The following NUP62CL variants were observed in gnomAD, a reference collection of about 807,000 sequenced individuals.
NUP62CL encodes nucleoporin 62 C-terminal like, also known as nucleoporin-62 C-terminal-like protein.
In NUP62CL, 13 loss-of-function variants were observed where a neutral mutation model predicts 15.3. That is an observed-to-expected ratio of 0.85 (90% CI 0.55 to 1.35). NUP62CL has a LOEUF of 1.35. NUP62CL is among the 40% of genes most tolerant of loss of function. The pLI is 0.00. For synonymous variants in NUP62CL, 54 were observed against 49.2 expected, an observed-to-expected ratio of 1.10 and a Z score of -0.41; for missense variants, 123 against 130.6, an observed-to-expected ratio of 0.94 and a Z score of 0.28.
At chrX:107,136,102 T>A (rs1429781135) in intron 8 of NUP62CL, among the ~76,000 whole-genome samples, 40 of 108,136 alleles carry the variant, frequency 3.7e-4, no homozygotes, top group African/African-American at 1.3e-3. Context: ...TCAATGAAAT[T>A]GCAAACAGAA....
chrX:107,194,759 G>C (rs1927320305), intron 1 of NUP62CL, among the ~76,000 whole-genome samples: 1 of 106,565 alleles, frequency 9.4e-6, no homozygotes, highest in South Asian at 4.1e-4. Context: ...AAAGTAACTT[G>C]GTTAATGTAT....
At chrX:107,204,775 TAAATAA>T (rs1927594012) in intron 1 of NUP62CL, among the ~76,000 whole-genome samples, 1 of 90,736 alleles carries the variant, frequency 1.1e-5, no homozygotes, top group African/African-American at 4.8e-5. Context: ...ATAAATTATT[TAAATAA>T]ATTTTAAATA....
At chrX:107,153,868 G>A (rs1416671001) in intron 5 of NUP62CL, among the ~76,000 whole-genome samples, 1 of 111,404 alleles carries the variant, frequency 9.0e-6, no homozygotes, top group Non-Finnish European at 1.9e-5. Context: ...AGCTACTTAG[G>A]AGGCTGAGGT....
At chrX:107,141,211 T>C (rs1398954689) in intron 8 of NUP62CL, among the ~76,000 whole-genome samples, 3 of 112,086 alleles carry the variant, frequency 2.7e-5, no homozygotes, top group African/African-American at 9.7e-5. Context: ...ATACATGTGC[T>C]TTCCTAACAG....
intron 8 of NUP62CL, chrX:107,132,402 T>G: frequency 2.3e-6 from 1 of 426,489 alleles, no homozygotes; most frequent in South Asian, 4.2e-5. Flanking sequence ...TACACACATA[T>G]CCAGTCATAA....
chrX:107,135,674 A>G (rs555208300), intron 8 of NUP62CL, among the ~76,000 whole-genome samples: 4 of 111,868 alleles, frequency 3.6e-5, no homozygotes, highest in African/African-American at 1.3e-4. Context: ...ATTAAAAATG[A>G]GCCCTTAGCT....
chrX:107,142,601 C>T (rs1013650980), intron 8 of NUP62CL, among the ~76,000 whole-genome samples: 1 of 111,917 alleles, frequency 8.9e-6, no homozygotes, highest in African/African-American at 3.2e-5. Flanking sequence ...ATTGCCCGTT[C>T]CTTTATTGGG....
chrX:107,179,647 T>C (rs1350542971), intron 2 of NUP62CL, among the ~76,000 whole-genome samples: 1 of 112,341 alleles, frequency 8.9e-6, no homozygotes. Context: ...GTTGATTTCA[T>C]GACTTTGCCA....
At chrX:107,139,288 G>A (rs1463354681) in intron 8 of NUP62CL, among the ~76,000 whole-genome samples, 5 of 111,140 alleles carry the variant, frequency 4.5e-5, no homozygotes, top group African/African-American at 1.6e-4. Flanking sequence ...AAATCTACAT[G>A]TGATAAAACT....
intron 8 of NUP62CL, among the ~76,000 whole-genome samples, chrX:107,137,421 A>G: frequency 8.9e-6 from 1 of 111,880 alleles, no homozygotes; most frequent in East Asian, 2.8e-4. Context: ...GAAATAAATG[A>G]CATACAGATT....
chrX:107,173,414 G>T (rs1481141149), intron 3 of NUP62CL, among the ~76,000 whole-genome samples: 2 of 112,141 alleles, frequency 1.8e-5, no homozygotes, highest in Non-Finnish European at 1.9e-5. Context: ...CTTAAAGTGA[G>T]TTAATTTTAT....
chrX:107,138,728 G>A (rs963222646), intron 8 of NUP62CL, among the ~76,000 whole-genome samples: 2 of 112,177 alleles, frequency 1.8e-5, no homozygotes, highest in African/African-American at 6.5e-5. Context: ...AAATGGTACA[G>A]CCAGTCTGGA....
intron 3 of NUP62CL, among the ~76,000 whole-genome samples, chrX:107,168,196 G>A (rs926974564): frequency 1.8e-5 from 2 of 111,793 alleles, no homozygotes; most frequent in African/African-American, 3.2e-5. Context: ...GACTGTATCT[G>A]TGTAATTAAT....
At chrX:107,186,924 G>C (rs1017069812) in intron 2 of NUP62CL, among the ~76,000 whole-genome samples, 27 of 111,582 alleles carry the variant, frequency 2.4e-4, no homozygotes, top group Admixed American at 8.5e-4. Context: ...TACTTTTCAA[G>C]TGCCCATGAA....
Position 107,191,686 on chromosome X carries a change from G to A in NUP62CL, c.-48+1343C>T, listed in dbSNP as rs946644774. On this transcript the variant is annotated intron_variant, in intron 2 of 8. Transcript: ENST00000372466. ...TCACGCCACTGCAATCCAGCCTGGC[G>A]ACAGAGTGAGACTCCATCTCAAAAC... Among the ~76,000 whole-genome samples the A allele has an allele frequency of 9.4e-5, 10 of 106,550 alleles. No individual in the cohort carries two copies. In the South Asian group the frequency reaches 1.8e-3, roughly 20 times the overall value. The allele number at this position is 106,550 out of a possible 115,157, so 92.5% of individuals were successfully genotyped here. A position where few individuals can be genotyped will look rare whatever the true frequency, so the allele number is the denominator to read the frequency against.
At chrX:107,151,515 C>CCACACACACA (rs59950269) in intron 7 of NUP62CL, among the ~76,000 whole-genome samples, 4 of 98,752 alleles carry the variant, frequency 4.1e-5, no homozygotes, top group African/African-American at 1.1e-4. Flanking sequence ...TCCACCCAAA[C>CCACACACACA]CACACACACA....
chrX:107,124,599 G>A (rs775761431), intron 8 of NUP62CL, among the ~76,000 whole-genome samples: 1 of 110,846 alleles, frequency 9.0e-6, no homozygotes, highest in South Asian at 3.9e-4. Context: ...TTAGGATGAG[G>A]TGTTAACTGC....
In NUP62CL at chrX:107,147,817, T is replaced by A; in HGVS notation, c.531-8A>T. On this transcript the variant is annotated splice_region_variant and splice_polypyrimidine_tract_variant and intron_variant, in intron 7 of 8. Coordinates refer to ENST00000372466, the MANE Select transcript of NUP62CL (RefSeq NM_017681.3). ...TCTGCAGATCTGGTGGAGCTAAAAA[T>A]ACATATAAGACTTTTAGATTATGAT... 8.5e-7 allele frequency: 1 copy of A among 1,170,544 alleles called. No individual in the cohort carries two copies. The highest frequency in any genetic ancestry group is 1.2e-6 in the Non-Finnish European group (1 of 859,431).
intron 2 of NUP62CL, among the ~76,000 whole-genome samples, chrX:107,176,068 C>T (rs994160958): frequency 2.7e-4 from 30 of 111,663 alleles, no homozygotes; most frequent in African/African-American, 9.8e-4. Context: ...GTACCCAAAG[C>T]ACTGGCTGAA....
Sources: gnomAD v4.1 joint callset for allele counts (sites outside exome capture counted in the v4.1 genomes callset) on GRCh38, gnomAD v4.1.1 for gene constraint, MANE v1.5 for transcripts, NCBI Gene and HGNC (gene_info 2026-07-23, HGNC 2026-07-21) for gene names.